Variants in PTGES3 observed in about 807,000 individuals in gnomAD.
PTGES3 encodes the protein prostaglandin E synthase 3.
PTGES3 carries 5 observed loss-of-function variants against 29.9 expected under a neutral mutation model. The ratio of observed to expected loss-of-function variants is 0.17; its 90% CI spans 0.09 to 0.35. PTGES3 has a LOEUF of 0.35. PTGES3 is among the 10% of genes least tolerant of loss of function. The pLI is 1.00. For synonymous variants in PTGES3, 49 were observed against 57.8 expected (o/e 0.85, Z 0.69); for missense variants, 128 against 190.0 (o/e 0.67, Z 1.92).
intron 6 of PTGES3, 106 bp downstream of exon 6, chr12:56,666,098 G>C: frequency 7.3e-7 from 1 of 1,373,608 alleles, no homozygotes; most frequent in South Asian, 1.8e-5. Context: ...TTTTTTTTTA[G>C]AAAATAAGAA....
chr12:56,668,910 T>C (rs1431993895), intron 5 of PTGES3, among the ~76,000 whole-genome samples: 1 of 152,084 alleles, frequency 6.6e-6, no homozygotes, highest in African/African-American at 2.4e-5. Context: ...AATCATTTAT[T>C]CTTGGGCCAT....
intron 1 of PTGES3, among the ~76,000 whole-genome samples, chr12:56,676,414 C>G (rs923534826): frequency 1.3e-5 from 2 of 152,016 alleles, no homozygotes; most frequent in Non-Finnish European, 2.9e-5. Flanking sequence ...CTTCTGCATA[C>G]TTGACAACAT....
At chr12:56,665,406 T>G (rs1385654931) in intron 6 of PTGES3, 1 of 840,678 alleles carries the variant, frequency 1.2e-6, no homozygotes, top group Non-Finnish European at 1.4e-6. Flanking sequence ...GCGATTCTCC[T>G]GCCTCAGCCT....
chr12:56,686,056 G>A (rs1340554676), intron 1 of PTGES3, among the ~76,000 whole-genome samples: 1 of 151,970 alleles, frequency 6.6e-6, no homozygotes, highest in East Asian at 1.9e-4. Flanking sequence ...TTACAGGCGT[G>A]AGCCACCGCG....
At chr12:56,687,941 C>A in intron 1 of PTGES3, 57 bp downstream of exon 1, 1 of 1,603,700 alleles carries the variant, frequency 6.2e-7, no homozygotes, top group Non-Finnish European at 8.5e-7. Context: ...CCAGGGAGCC[C>A]CCAACGCGGC....
intron 1 of PTGES3, among the ~76,000 whole-genome samples, chr12:56,676,620 A>T (rs1045844747): frequency 2.6e-5 from 4 of 152,128 alleles, no homozygotes; most frequent in Non-Finnish European, 5.9e-5. Context: ...GAATGTGGAA[A>T]GCCACAAGAG....
chr12:56,673,568 TG>T (rs1490239136), intron 1 of PTGES3, among the ~76,000 whole-genome samples: 1 of 127,752 alleles, frequency 7.8e-6, no homozygotes, highest in Non-Finnish European at 1.6e-5. Flanking sequence ...CTGAGGTGGG[TG>T]GATCACCTAA....
intron 1 of PTGES3, among the ~76,000 whole-genome samples, chr12:56,681,537 C>CAG (rs1952542607): frequency 3.9e-5 from 1 of 25,686 alleles, no homozygotes; most frequent in African/African-American, 2.2e-4. Flanking sequence ...GACTCCATCT[C>CAG]AAAAAAAAAA....
At chr12:56,682,093 C>A (rs943741209) in intron 1 of PTGES3, among the ~76,000 whole-genome samples, 1 of 151,954 alleles carries the variant, frequency 6.6e-6, no homozygotes, top group Non-Finnish European at 1.5e-5. Flanking sequence ...GTGACCTGCC[C>A]GCCTTGGCCT....
intron 1 of PTGES3, among the ~76,000 whole-genome samples, chr12:56,678,836 G>A (rs1475831862): frequency 1.3e-5 from 2 of 152,132 alleles, no homozygotes; most frequent in Non-Finnish European, 2.9e-5. Flanking sequence ...CATGGAATAG[G>A]CTGGGCACTG....
At chr12:56,668,143 A>T (rs1283633174) in intron 5 of PTGES3, among the ~76,000 whole-genome samples, 2 of 152,206 alleles carry the variant, frequency 1.3e-5, no homozygotes, top group African/African-American at 2.4e-5. Flanking sequence ...AAAAGAGTAG[A>T]TTTCATGTGA....
At chr12:56,682,970 G>C (rs1189588260) in intron 1 of PTGES3, among the ~76,000 whole-genome samples, 1 of 151,720 alleles carries the variant, frequency 6.6e-6, no homozygotes, top group Non-Finnish European at 1.5e-5. Flanking sequence ...CTGCAGTCTG[G>C]GCAACAGAAT....
intron 6 of PTGES3, chr12:56,665,636 A>G (rs997722538): frequency 5.1e-6 from 5 of 984,790 alleles, no homozygotes; most frequent in African/African-American, 1.8e-5. Context: ...TCATACCTAT[A>G]AACTGACTCT....
chr12:56,664,417 AT>A lies in PTGES3; in HGVS notation c.*61del. The A allele has an allele frequency of 6.4e-7, 1 of 1,552,664 alleles. No homozygotes were observed. The highest frequency in any genetic ancestry group is 8.8e-7 in the Non-Finnish European group (1 of 1,135,346). On this transcript the variant is annotated 3_prime_UTR_variant, in exon 8 of 8. Coordinates refer to ENST00000262033, the MANE Select transcript of PTGES3 (RefSeq NM_006601.7). ...AGCTATCAACTCAGGAATTCTCTCA[AT>A]TATGAAATCTTGCAGAGAAGTTATT...
chr12:56,682,721 G>GAAAAAAAAAAAAAAA (rs754040277), intron 1 of PTGES3, among the ~76,000 whole-genome samples: 3 of 114,290 alleles, frequency 2.6e-5, no homozygotes, highest in Non-Finnish European at 5.1e-5. Context: ...CCATTTAAAA[G>GAAAAAAAAAAAAAAA]AAAAAAAAAA....
chr12:56,683,972 CA>C (rs1271756043), intron 1 of PTGES3, among the ~76,000 whole-genome samples: 1 of 129,790 alleles, frequency 7.7e-6, no homozygotes, highest in Admixed American at 7.8e-5. Context: ...AAAAAAAAAA[CA>C]AAAAAAACAA....
intron 1 of PTGES3, among the ~76,000 whole-genome samples, chr12:56,685,410 T>TC (rs1331941846): frequency 2.0e-5 from 3 of 150,274 alleles, no homozygotes; most frequent in Non-Finnish European, 4.4e-5. Flanking sequence ...TTTTTTTTTT[T>TC]TTTTTTTTTT....
intron 1 of PTGES3, among the ~76,000 whole-genome samples, chr12:56,681,443 CAGG>C (rs1173785205): frequency 7.0e-6 from 1 of 142,276 alleles, no homozygotes; most frequent in East Asian, 2.1e-4. Context: ...GAGGCTGAGG[CAGG>C]AGAATGGCGT....
At chr12:56,666,691 G>T (rs1411339047) in intron 5 of PTGES3, among the ~76,000 whole-genome samples, 1 of 152,044 alleles carries the variant, frequency 6.6e-6, no homozygotes, top group African/African-American at 2.4e-5. Context: ...ATGGTGGCGT[G>T]ATCTCAGCTC....
Sources: allele counts gnomAD v4.1 joint callset (sites outside exome capture counted in the v4.1 genomes callset), GRCh38; gene constraint gnomAD v4.1.1; transcripts MANE v1.5; gene names NCBI Gene and HGNC (gene_info 2026-07-23, HGNC 2026-07-21).